TMPRSS15: variants seen among roughly 807,000 people sequenced by gnomAD.
The protein encoded by TMPRSS15 is transmembrane serine protease 15.
Under a neutral mutation model 125.3 loss-of-function variants are expected in TMPRSS15, and 128 were observed. The ratio of observed to expected loss-of-function variants is 1.02; its 90% CI spans 0.89 to 1.18. The LOEUF is 1.18. TMPRSS15 is among the 50% of genes most tolerant of loss of function. The probability of loss-of-function intolerance (pLI) is 0.00; values close to 1 mark genes in which losing one functional copy is unlikely to be tolerated. For synonymous variants in TMPRSS15, 446 were observed against 423.2 expected, an observed-to-expected ratio of 1.05 and a Z score of -0.66; for missense variants, 1,283 against 1,212.7, an observed-to-expected ratio of 1.06 and a Z score of -0.86.
intron 1 of TMPRSS15, among the ~76,000 whole-genome samples, chr21:18,481,452 T>C (rs1978979322): frequency 6.6e-6 from 1 of 151,840 alleles, no homozygotes; most frequent in Admixed American, 6.6e-5. Flanking sequence ...ACACATAATT[T>C]TCAGTTGTAA....
chr21:18,458,926 A>G (rs1404086595), intron 1 of TMPRSS15, among the ~76,000 whole-genome samples: 1 of 152,176 alleles, frequency 6.6e-6, no homozygotes, highest in Non-Finnish European at 1.5e-5. Context: ...AATAAAATTT[A>G]TCTTTTTTAT....
chr21:18,305,776 T>C (rs774067585), intron 18 of TMPRSS15, among the ~76,000 whole-genome samples: 1 of 152,232 alleles, frequency 6.6e-6, no homozygotes, highest in African/African-American at 2.4e-5. Flanking sequence ...TAAGTATTAA[T>C]GTTAAAAAGT....
intron 10 of TMPRSS15, among the ~76,000 whole-genome samples, chr21:18,346,140 C>A (rs1471823692): frequency 1.3e-5 from 2 of 151,984 alleles, no homozygotes; most frequent in Non-Finnish European, 2.9e-5. Flanking sequence ...CAGCTACATT[C>A]TTTAGTTAAC....
intron 6 of TMPRSS15, among the ~76,000 whole-genome samples, chr21:18,370,398 T>C (rs993690013): frequency 1.3e-5 from 2 of 151,854 alleles, no homozygotes; most frequent in African/African-American, 4.8e-5. Context: ...TTCCTCTATT[T>C]AAGGATATTG....
intron 1 of TMPRSS15, among the ~76,000 whole-genome samples, chr21:18,416,327 G>C (rs1389618149): frequency 6.6e-6 from 1 of 151,994 alleles, no homozygotes; most frequent in Non-Finnish European, 1.5e-5. Flanking sequence ...AAAAGACCCA[G>C]AGTAGCCGAA....
intron 21 of TMPRSS15, among the ~76,000 whole-genome samples, chr21:18,289,847 T>A (rs558899271): frequency 3.3e-5 from 5 of 152,244 alleles, no homozygotes; most frequent in African/African-American, 9.6e-5. Flanking sequence ...TAGAAAGAGG[T>A]AATGGAGAAA....
intron 1 of TMPRSS15, among the ~76,000 whole-genome samples, chr21:18,410,783 C>T (rs957638658): frequency 1.3e-5 from 2 of 152,058 alleles, no homozygotes; most frequent in Admixed American, 6.6e-5. Context: ...TAAGCTTCAG[C>T]TCCACTCAAA....
At chr21:18,421,301 G>A (rs2076191539) in intron 1 of TMPRSS15, among the ~76,000 whole-genome samples, 1 of 152,164 alleles carries the variant, frequency 6.6e-6, no homozygotes, top group Non-Finnish European at 1.5e-5. Context: ...AGGGAAGGCA[G>A]TTTGCATAGA....
In TMPRSS15 at chr21:18,430,799, C is replaced by T. The variant is rs569305606; in HGVS notation, c.11-32470G>A. 3.3e-5 allele frequency among the ~76,000 whole-genome samples: 5 copies of T among 152,252 alleles called. No homozygotes were observed. The South Asian group carries it at 1.0e-3, about 32-fold the overall frequency. ...TAGCTCTGATATTCCCTTCTTGCAGCAGTGGAATGCACTCTGGTCCACAAT... is the reference window on the plus strand; with the variant it reads ...TAGCTCTGATATTCCCTTCTTGCAGTAGTGGAATGCACTCTGGTCCACAAT... On this transcript the variant is annotated intron_variant, in intron 1 of 7. Coordinates refer to the TMPRSS15 transcript ENST00000422787.
intron 1 of TMPRSS15, among the ~76,000 whole-genome samples, chr21:18,458,680 C>A (rs945259696): frequency 1.3e-5 from 2 of 152,102 alleles, no homozygotes. Flanking sequence ...TATTTCACAG[C>A]CACAGAATGG....
chr21:18,438,561 T>A (rs992604906), intron 1 of TMPRSS15, among the ~76,000 whole-genome samples: 13 of 152,204 alleles, frequency 8.5e-5, no homozygotes, highest in African/African-American at 2.7e-4. Flanking sequence ...ACATCTTTTT[T>A]AAAAATGTTA....
intron 16 of TMPRSS15, among the ~76,000 whole-genome samples, chr21:18,316,634 T>C (rs1292627850): frequency 6.6e-6 from 1 of 152,172 alleles, no homozygotes; most frequent in Non-Finnish European, 1.5e-5. Context: ...ATGAAAAACC[T>C]GGGCAAAGAA....
intron 5 of TMPRSS15, among the ~76,000 whole-genome samples, chr21:18,372,526 A>C (rs1172645183): frequency 3.3e-5 from 5 of 152,172 alleles, no homozygotes; most frequent in Non-Finnish European, 5.9e-5. Flanking sequence ...GCAATTTTGG[A>C]AAGCTTATCA....
chr21:18,409,069 T>C (rs1268817708), intron 1 of TMPRSS15, among the ~76,000 whole-genome samples: 1 of 152,154 alleles, frequency 6.6e-6, no homozygotes, highest in African/African-American at 2.4e-5. Context: ...TCTTCCTCTT[T>C]CTTTTATACT....
chr21:18,395,172 A>C (rs1294287845), intron 3 of TMPRSS15, among the ~76,000 whole-genome samples: 3 of 152,232 alleles, frequency 2.0e-5, no homozygotes, highest in African/African-American at 7.2e-5. Context: ...TAAGGCACCC[A>C]GAGGGAGAGT....
In TMPRSS15 at chr21:18,293,034, C is replaced by A. The variant is rs577197041; in HGVS notation, c.2486+1236G>T. 9.2e-5 allele frequency among the ~76,000 whole-genome samples: 14 copies of A among 152,202 alleles called. No individual in the cohort carries two copies. In the South Asian group the frequency reaches 2.9e-3, roughly 32 times the overall value. ...TGCTGTCGGTAGCTCCTTTGGAGAC[C>A]AGCTATTTGGCAAACCTGAGAGCTA... is the stretch of plus-strand genomic sequence containing the variant. On this transcript the variant is annotated intron_variant, in intron 21 of 24. Coordinates refer to ENST00000284885, the MANE Select transcript of TMPRSS15 (RefSeq NM_002772.3).
chr21:18,470,399 A>G (rs1436572030), intron 1 of TMPRSS15, among the ~76,000 whole-genome samples: 1 of 152,016 alleles, frequency 6.6e-6, no homozygotes, highest in Middle Eastern at 3.2e-3. Flanking sequence ...TCTATGAACT[A>G]CAAATTTCTA....
intron 1 of TMPRSS15, among the ~76,000 whole-genome samples, chr21:18,423,534 G>A (rs1356094894): frequency 6.7e-6 from 1 of 150,096 alleles, no homozygotes; most frequent in East Asian, 2.0e-4. Context: ...TCAGCCTCCT[G>A]AGTAGCTGGG....
At chr21:18,408,547 A>G (rs1219629059), upstream of TMPRSS15, among the ~76,000 whole-genome samples, 1 of 152,142 alleles carries the variant, frequency 6.6e-6, no homozygotes, top group Non-Finnish European at 1.5e-5. Flanking sequence ...GAGCTTAAGA[A>G]ATACACATTT....
Sources: allele counts gnomAD v4.1 joint callset (sites outside exome capture counted in the v4.1 genomes callset), GRCh38; gene constraint gnomAD v4.1.1; transcripts MANE v1.5; gene names NCBI Gene and HGNC (gene_info 2026-07-23, HGNC 2026-07-21).